SLC5A10: variants seen among roughly 807,000 people sequenced by gnomAD.
SLC5A10 encodes the protein sodium/mannose cotransporter SLC5A10.
Under a neutral mutation model 68.9 loss-of-function variants are expected in SLC5A10, and 55 were observed. That is an observed-to-expected ratio of 0.80 (90% confidence interval 0.64 to 1.00). SLC5A10 has a LOEUF of 1.00. Among genes scored for constraint, SLC5A10 ranks in the 50% least tolerant of loss-of-function variants. The pLI, the probability that SLC5A10 is intolerant of heterozygous loss-of-function variation, is 0.00. For missense variants in SLC5A10, 732 were observed against 819.3 expected (o/e 0.89, Z 1.30); for synonymous variants, 344 against 344.8 (o/e 1.00, Z 0.02).
rs2044171386 is a variant in SLC5A10 at position 19,017,756 on chromosome 17, C to A, written c.1242-1667C>A. ...AGGACTCGGAGAGATCTCAGACACC[C>A]CTCCTTGAGATGTTCCACAGTAACT... On this transcript the variant is annotated intron_variant, in intron 11 of 14. Transcript: ENST00000395645. This position sits in a 1 kb window ranked among gnomAD's most constrained non-coding sequence, Gnocchi z 5.6. 5 of 210,592 alleles carry A rather than the reference C, an allele frequency of 2.4e-5. No homozygotes were observed. In the South Asian group the frequency reaches 4.1e-4, roughly 17 times the overall value. The allele number at this position is 210,592 out of a possible 1,614,324, so 13.0% of individuals were successfully genotyped here. A position where few individuals can be genotyped will look rare whatever the true frequency, so the allele number is the denominator to read the frequency against.
chr17:18,998,830 C>T (rs1196961461), intron 9 of SLC5A10, among the ~76,000 whole-genome samples: 4 of 152,216 alleles, frequency 2.6e-5, no homozygotes, highest in Non-Finnish European at 5.9e-5. Flanking sequence ...TGGCCTCTGG[C>T]AGTGTGGGGA....
chr17:18,997,059 T>C (rs939535917), intron 9 of SLC5A10, among the ~76,000 whole-genome samples: 1 of 152,170 alleles, frequency 6.6e-6, no homozygotes, highest in Non-Finnish European at 1.5e-5. Context: ...GTGAACACCT[T>C]CCCCACCCTC....
At chr17:18,994,383 G>A (rs1400826137) in intron 9 of SLC5A10, among the ~76,000 whole-genome samples, 1 of 152,182 alleles carries the variant, frequency 6.6e-6, no homozygotes, top group African/African-American at 2.4e-5. Context: ...AGGAGACAGG[G>A]TTCACTCTGA....
chr17:18,957,101 A>ATCTG (rs1380112632), intron 1 of SLC5A10, among the ~76,000 whole-genome samples: 1 of 152,176 alleles, frequency 6.6e-6, no homozygotes, highest in African/African-American at 2.4e-5. Context: ...GTGAGCCAAG[A>ATCTG]TCTGTCACTG....
At chr17:19,002,113 C>A (rs910637782) in intron 9 of SLC5A10, among the ~76,000 whole-genome samples, 1 of 148,694 alleles carries the variant, frequency 6.7e-6, no homozygotes, top group African/African-American at 2.5e-5. Context: ...GTCCCTTCCT[C>A]CTCCCCCTCC....
rs140249808 is a variant in SLC5A10 at position 18,977,065 on chromosome 17, CAGA to C, written c.982+83_982+85del. On this transcript the variant is annotated intron_variant, in intron 9 of 14. Transcript: ENST00000395645. ...TGGGACCTTGTCCTGCAAACGTCAC[CAGA>C]AGAAGAGGCAAAGGATAGATGTGAA... The C allele has an allele frequency of 6.3e-6, 10 of 1,580,328 alleles. No individual in the cohort carries two copies. In the East Asian group the frequency reaches 6.7e-5, roughly 11 times the overall value.
chr17:19,000,535 G>A lies in SLC5A10; in HGVS notation c.983-12875G>A, dbSNP rs551482614. On this transcript the variant is annotated intron_variant, in intron 9 of 14. Transcript: ENST00000395645. This position sits in a 1 kb window ranked among gnomAD's most constrained non-coding sequence, Gnocchi z 5.2. ...CAGCAGTCCTGACAGGAACACAGCC[G>A]CTCCCCTAAGTGCTGCGTCACTTCC... 6.6e-4 allele frequency among the ~76,000 whole-genome samples: 101 copies of A among 152,242 alleles called. 1 individual carries two copies. The highest frequency in any genetic ancestry group is 1.1e-3 in the Non-Finnish European group (78 of 68,012).
At chr17:18,959,794 C>T (rs1041816877) in intron 4 of SLC5A10, 131 bp downstream of exon 4, 25 of 712,664 alleles carry the variant, frequency 3.5e-5, no homozygotes, top group East Asian at 2.8e-4. Flanking sequence ...GCTATTAGCC[C>T]GACTAATATT....
At chr17:18,984,484 G>A (rs145521594) in intron 9 of SLC5A10, among the ~76,000 whole-genome samples, 483 of 152,350 alleles carry the variant, frequency 3.2e-3, no homozygotes, top group Middle Eastern at 0.014. Context: ...CCTGTCCAGC[G>A]TGAGGCCTGA....
intron 9 of SLC5A10, among the ~76,000 whole-genome samples, chr17:19,011,976 C>A (rs2044024261): frequency 6.6e-6 from 1 of 152,046 alleles, no homozygotes; most frequent in Non-Finnish European, 1.5e-5. Flanking sequence ...TCAATGCCAG[C>A]CGCCCCTGCT....
chr17:19,017,020 C>CCT lies in SLC5A10; in HGVS notation c.1241+1822_1241+1823dup, dbSNP rs1272911816. Among the ~76,000 whole-genome samples the CCT allele has an allele frequency of 6.6e-6, 1 of 152,196 alleles. No individual in the cohort carries two copies. Among genetic ancestry groups the CCT allele is most frequent in the East Asian group, 1.9e-4 (1 of 5,196 alleles). On this transcript the variant is annotated intron_variant, in intron 11 of 14. Transcript: ENST00000395645. The surrounding 1 kb of genome is among the most constrained non-coding windows in gnomAD (Gnocchi z 5.6). ...TCCCACCTGCAACCAAAAGTCTTGA[C>CCT]CTGGCCTCCTGCTGCGCCAGCTCAC...
Position 18,962,250 on chromosome 17 carries a change from G to A in SLC5A10, c.453+1598G>A, listed in dbSNP as rs903705494. On this transcript the variant is annotated intron_variant, in intron 5 of 14. Coordinates refer to ENST00000395645, the MANE Select transcript of SLC5A10 (RefSeq NM_001042450.4). ...CATGAAACTCAGAAGAGGACACAGC[G>A]GGGCTTGCTGGGGGTGGCATTTGAG... Among the ~76,000 whole-genome samples the A allele has an allele frequency of 5.3e-5, 8 of 152,292 alleles. 1 individual carries two copies. The South Asian group carries it at 8.3e-4, about 16-fold the overall frequency.
intron 9 of SLC5A10, chr17:18,988,230 G>A: frequency 1.2e-6 from 2 of 1,602,856 alleles, no homozygotes; most frequent in Non-Finnish European, 1.7e-6. Context: ...ACCCAGGCAA[G>A]TGAGGAGCCT....
rs773257179 is a variant in SLC5A10, at chr17:18,959,214, TG to T, written c.265del (p.Ala89ProfsTer104). The T allele has an allele frequency of 1.2e-6, 2 of 1,613,372 alleles. No individual in the cohort carries two copies. The highest frequency in any genetic ancestry group is 3.3e-5 in the Admixed American group (2 of 60,028). On this transcript the variant is annotated frameshift_variant, in exon 3 of 15. Transcript: ENST00000395645. LOFTEE classifies it high-confidence loss of function. ...GLAGSGAAGG[L>X]AVAGFEWNAT... is the part of the protein sequence containing the mutation. Reference sequence around the variant, plus strand: ...GCGGGCTCAGGCGCGGCAGGAGGTCTGGCCGTGGCAGGCTTCGAGTGGAATG... The same window carrying T: ...GCGGGCTCAGGCGCGGCAGGAGGTCTGCCGTGGCAGGCTTCGAGTGGAATG...
chr17:18,965,122 G>C lies in SLC5A10; in HGVS notation c.454-3930G>C, dbSNP rs551857431. 2.0e-3 allele frequency among the ~76,000 whole-genome samples: 295 copies of C among 151,148 alleles called. 2 individuals are homozygous for C. The highest frequency in any genetic ancestry group is 6.6e-3 in the African/African-American group (273 of 41,156). On this transcript the variant is annotated intron_variant, in intron 5 of 14. Coordinates refer to ENST00000395645, the MANE Select transcript of SLC5A10 (RefSeq NM_001042450.4). ...AAAAAAGAGGAAATGCAGAGCCCCAGATCTTCCTTGCACAAGCCAAATGCA... is the reference window on the plus strand; with the variant it reads ...AAAAAAGAGGAAATGCAGAGCCCCACATCTTCCTTGCACAAGCCAAATGCA...
chr17:18,958,041 T>C (rs1483535608), intron 1 of SLC5A10, among the ~76,000 whole-genome samples: 8 of 152,214 alleles, frequency 5.3e-5, no homozygotes, highest in Admixed American at 2.6e-4. Flanking sequence ...TCCATCCAAG[T>C]TGGGCATGCA....
At chr17:18,967,806 G>A (rs2042741557) in intron 5 of SLC5A10, among the ~76,000 whole-genome samples, 1 of 152,108 alleles carries the variant, frequency 6.6e-6, no homozygotes, top group African/African-American at 2.4e-5. Context: ...AGGACTTGAA[G>A]AGTCCATCCT....
chr17:19,004,167 A>C lies in SLC5A10; in HGVS notation c.983-9243A>C. ...GGCCTCTGCTTCTCTGCCCATGAGC[A>C]ATCTGCGGGAAAGACCTGATGAGCC... On this transcript the variant is annotated intron_variant, in intron 9 of 14. Transcript: ENST00000395645. The surrounding 1 kb of genome is among the most constrained non-coding windows in gnomAD (Gnocchi z 5.4). 6.4e-6 allele frequency: 6 copies of C among 937,204 alleles called. No individual in the cohort carries two copies. Among genetic ancestry groups the C allele is most frequent in the Non-Finnish European group, 9.2e-6 (6 of 649,282 alleles). 58.1% of individuals were successfully genotyped at this position (937,204 alleles called of 1,614,324 possible). A position where few individuals can be genotyped will look rare whatever the true frequency, so the allele number is the denominator to read the frequency against.
chr17:19,021,785 G>T lies in SLC5A10; in HGVS notation c.*1354G>T, dbSNP rs1194683993. 7.4e-6 allele frequency: 4 copies of T among 537,614 alleles called. No homozygotes were observed. Among genetic ancestry groups the T allele is most frequent in the South Asian group, 6.4e-5 (1 of 15,630 alleles). The allele number at this position is 537,614 out of a possible 1,614,324, so 33.3% of individuals were successfully genotyped here. A position where few individuals can be genotyped will look rare whatever the true frequency, so the allele number is the denominator to read the frequency against. ...CCCTTGCTGGGTACCCTTGCTGGGG[G>T]ACCTGGGCCATCCCAGTTTGTGCAG... is the stretch of plus-strand genomic sequence containing the variant. On this transcript the variant is annotated 3_prime_UTR_variant, in exon 15 of 15. Transcript: ENST00000395645. This position sits in a 1 kb window ranked among gnomAD's most constrained non-coding sequence, Gnocchi z 4.1.
Sources: gnomAD v4.1 joint callset for allele counts (sites outside exome capture counted in the v4.1 genomes callset) on GRCh38, gnomAD v4.1.1 for gene constraint, Gnocchi (gnomAD v3.1) non-coding constraint, MANE v1.5 for transcripts, NCBI Gene and HGNC (gene_info 2026-07-23, HGNC 2026-07-21) for gene names.